The following LRRTM4 variants were observed in gnomAD, a reference collection of about 807,000 sequenced individuals.
LRRTM4 encodes the protein leucine rich repeat transmembrane neuronal 4.
A neutral mutation model predicts 47.6 loss-of-function variants in LRRTM4; 25 were observed. The ratio of observed to expected loss-of-function variants is 0.53; its 90% CI spans 0.38 to 0.73. LRRTM4 has a LOEUF of 0.73. Ranked by LOEUF, LRRTM4 falls within the 30% of genes least tolerant of loss-of-function variation. LRRTM4 has a pLI of 0.00. For missense variants in LRRTM4, 638 were observed against 713.4 expected, an observed-to-expected ratio of 0.89 and a Z score of 1.20; for synonymous variants, 311 against 269.5, an observed-to-expected ratio of 1.15 and a Z score of -1.51.
intron 3 of LRRTM4, among the ~76,000 whole-genome samples, chr2:77,049,307 T>A (rs2103766412): frequency 6.6e-6 from 1 of 151,436 alleles, no homozygotes; most frequent in South Asian, 2.1e-4. Flanking sequence ...TTCCTTTTTC[T>A]TTTCTTTTTG....
At chr2:77,049,900 A>G (rs1463741567) in intron 3 of LRRTM4, among the ~76,000 whole-genome samples, 7 of 151,942 alleles carry the variant, frequency 4.6e-5, no homozygotes, top group African/African-American at 1.7e-4. Flanking sequence ...CTCTCTCTGT[A>G]TATATTTTGC....
intron 3 of LRRTM4, among the ~76,000 whole-genome samples, chr2:76,759,420 G>T (rs1343431067): frequency 2.0e-5 from 3 of 152,070 alleles, no homozygotes; most frequent in Non-Finnish European, 4.4e-5. Flanking sequence ...TTACTATTCA[G>T]GTCATTTAGA....
At chr2:77,211,329 C>CAG (rs1266933886) in intron 3 of LRRTM4, among the ~76,000 whole-genome samples, 1 of 152,034 alleles carries the variant, frequency 6.6e-6, no homozygotes, top group Admixed American at 6.6e-5. Context: ...CTGCTTAAAG[C>CAG]AGAGAGAGAG....
intron 3 of LRRTM4, among the ~76,000 whole-genome samples, chr2:77,451,689 A>G (rs1196811995): frequency 1.3e-5 from 2 of 152,202 alleles, no homozygotes; most frequent in African/African-American, 2.4e-5. Flanking sequence ...CAGTAGGTGA[A>G]AACAACTAAC....
chr2:77,413,070 A>G (rs1289289298), intron 3 of LRRTM4, among the ~76,000 whole-genome samples: 1 of 152,194 alleles, frequency 6.6e-6, no homozygotes, highest in Non-Finnish European at 1.5e-5. Flanking sequence ...AGCTTTCTCA[A>G]CTATAGGGGT....
chr2:77,070,568 TCTA>T (rs1450949543), intron 3 of LRRTM4, among the ~76,000 whole-genome samples: 2 of 152,006 alleles, frequency 1.3e-5, no homozygotes, highest in African/African-American at 2.4e-5. Flanking sequence ...TTCAAACATT[TCTA>T]CTAAGATATT....
chr2:77,491,696 A>T (rs551471142), intron 3 of LRRTM4, among the ~76,000 whole-genome samples: 1 of 152,072 alleles, frequency 6.6e-6, no homozygotes, highest in East Asian at 1.9e-4. Context: ...ATACCTATAA[A>T]TAACCAGAAT....
chr2:76,762,023 C>G (rs1329374034), intron 3 of LRRTM4, among the ~76,000 whole-genome samples: 1 of 152,142 alleles, frequency 6.6e-6, no homozygotes, highest in East Asian at 1.9e-4. Context: ...CAGAGAATAG[C>G]TTGCAAAAGC....
In LRRTM4 at chr2:76,748,686, G is replaced by C. The variant is rs773769880; in HGVS notation, c.*9C>G. The stretch of plus-strand genomic sequence containing the variant: ...CATGGAGCTCCCCAGTGAGGAGTTG[G>C]CTTCAGCGTTAGTTTGCAATTCTCT... On this transcript the variant is annotated 3_prime_UTR_variant, in exon 4 of 4. Transcript: ENST00000409884. 6 of 1,607,720 alleles carry C rather than the reference G, an allele frequency of 3.7e-6. No individual in the cohort carries two copies. The highest frequency in any genetic ancestry group is 5.1e-6 in the Non-Finnish European group (6 of 1,177,308).
At chr2:77,412,922 C>T (rs1674497704) in intron 3 of LRRTM4, among the ~76,000 whole-genome samples, 1 of 152,084 alleles carries the variant, frequency 6.6e-6, no homozygotes, top group Non-Finnish European at 1.5e-5. Flanking sequence ...TACTCTACAT[C>T]CCTGAGGTTT....
chr2:77,424,833 C>T (rs936081078), intron 3 of LRRTM4, among the ~76,000 whole-genome samples: 6 of 152,054 alleles, frequency 3.9e-5, no homozygotes, highest in African/African-American at 1.4e-4. Context: ...GGCTATAGAC[C>T]CAGGGATCCT....
In LRRTM4 at chr2:76,811,403, AG is replaced by A. The variant is rs1271427880; in HGVS notation, c.1552-62488del. On this transcript the variant is annotated intron_variant, in intron 3 of 3. Coordinates refer to ENST00000409884, the MANE Select transcript of LRRTM4 (RefSeq NM_001134745.3). ...GATGAATAGGCATTTTGAAGAGGAA[AG>A]TGTGAGCAAGGACAAAACAACATTG... 7.2e-5 allele frequency among the ~76,000 whole-genome samples: 11 copies of A among 152,318 alleles called. No individual in the cohort carries two copies. In the East Asian group the frequency reaches 2.1e-3, roughly 29 times the overall value.
chr2:77,362,137 G>GAAAGAAAT (rs1553434415), intron 3 of LRRTM4, among the ~76,000 whole-genome samples: 1 of 131,336 alleles, frequency 7.6e-6, no homozygotes, highest in Non-Finnish European at 1.7e-5. Context: ...AAGAAAGAAA[G>GAAAGAAAT]AAAGAAAGAA....
chr2:77,079,607 A>G (rs560865568), intron 3 of LRRTM4, among the ~76,000 whole-genome samples: 9 of 152,302 alleles, frequency 5.9e-5, no homozygotes, highest in Non-Finnish European at 1.0e-4. Context: ...ATTTGGCCCA[A>G]TGAAACCAAA....
chr2:77,081,893 C>T (rs1049810145), intron 3 of LRRTM4, among the ~76,000 whole-genome samples: 10 of 152,044 alleles, frequency 6.6e-5, no homozygotes, highest in Non-Finnish European at 1.3e-4. Context: ...GAGAATCTAC[C>T]AAGACACATT....
intron 3 of LRRTM4, among the ~76,000 whole-genome samples, chr2:76,896,650 CTT>C (rs1673427568): frequency 6.6e-6 from 1 of 151,534 alleles, no homozygotes; most frequent in Admixed American, 6.6e-5. Context: ...AAACTGTAGT[CTT>C]TTTATATTTT....
At chr2:76,762,169 T>C (rs563412662) in intron 3 of LRRTM4, among the ~76,000 whole-genome samples, 96 of 152,302 alleles carry the variant, frequency 6.3e-4, no homozygotes, top group African/African-American at 2.3e-3. Flanking sequence ...CTTGCACTTC[T>C]CCATCACTAC....
At chr2:77,134,815 G>A (rs555543126) in intron 3 of LRRTM4, among the ~76,000 whole-genome samples, 2 of 152,108 alleles carry the variant, frequency 1.3e-5, no homozygotes, top group East Asian at 1.9e-4. Flanking sequence ...CATTTAAGTA[G>A]CCAATCACAA....
intron 3 of LRRTM4, among the ~76,000 whole-genome samples, chr2:77,202,225 A>C (rs1392722265): frequency 5.3e-5 from 8 of 152,008 alleles, no homozygotes; most frequent in South Asian, 4.1e-4. Context: ...TGGATGGTTC[A>C]TTTTTCCCTA....
Sources: allele counts gnomAD v4.1 joint callset (sites outside exome capture counted in the v4.1 genomes callset), GRCh38; gene constraint gnomAD v4.1.1; transcripts MANE v1.5; gene names NCBI Gene and HGNC (gene_info 2026-07-23, HGNC 2026-07-21).